The following AIDA variants were observed in gnomAD, a reference collection of about 807,000 sequenced individuals.
The protein encoded by AIDA is axin interactor, dorsalization associated.
Under a neutral mutation model 42.7 loss-of-function variants are expected in AIDA, and 18 were observed. The observed-to-expected ratio is 0.42, with a 90% CI of 0.29 to 0.63. The LOEUF is 0.63. AIDA is among the 20% of genes least tolerant of loss of function. The pLI, the probability that AIDA is intolerant of heterozygous loss-of-function variation, is 0.19. For synonymous variants in AIDA, 104 were observed against 122.9 expected (o/e 0.85, Z 1.02); for missense variants, 250 against 354.1 (o/e 0.71, Z 2.36).
rs954620020 is a variant in AIDA at position 222,712,331 on chromosome 1, C to T, written c.-14G>A. ...CACCTCCGACATGGCCGGTCCCCAC[C>T]CCGTCCCCTCCCGCCCCTACCCCAG... On this transcript the variant is annotated 5_prime_UTR_variant, in exon 1 of 10. Transcript: ENST00000340020. 6.5e-7 allele frequency: 1 copy of T among 1,534,180 alleles called. No homozygotes were observed.
At chr1:222,694,424 G>T (rs1655459685) in intron 2 of AIDA, among the ~76,000 whole-genome samples, 161 bp from the exon 3 acceptor site, 1 of 152,114 alleles carries the variant, frequency 6.6e-6, no homozygotes, top group African/African-American at 2.4e-5. Context: ...AGAAATAAGA[G>T]GCAAAGGGTT....
intron 4 of AIDA, among the ~76,000 whole-genome samples, chr1:222,692,731 T>C (rs1290530526): frequency 6.6e-6 from 1 of 152,054 alleles, no homozygotes; most frequent in East Asian, 1.9e-4. Context: ...TTAATATGGC[T>C]AGGGGAACAG....
At chr1:222,674,280 G>A (rs138877961) in intron 7 of AIDA, among the ~76,000 whole-genome samples, 39 of 152,192 alleles carry the variant, frequency 2.6e-4, no homozygotes, top group African/African-American at 8.4e-4. Flanking sequence ...GAGATTTCGC[G>A]GTGGGAAGGA....
intron 2 of AIDA, among the ~76,000 whole-genome samples, chr1:222,700,514 C>T (rs932066471): frequency 1.3e-5 from 2 of 152,008 alleles, no homozygotes; most frequent in Admixed American, 6.6e-5. Context: ...TCCCAGCACT[C>T]TGGGAGGCCC....
At chr1:222,670,706 G>A (rs943788770) in intron 8 of AIDA, among the ~76,000 whole-genome samples, 1 of 152,132 alleles carries the variant, frequency 6.6e-6, no homozygotes, top group African/African-American at 2.4e-5. Flanking sequence ...TTCAATCTTG[G>A]GGGTATTTTG....
At chr1:222,711,428 A>AGGAGGGCGT (rs1656031430) in intron 1 of AIDA, 1 of 152,310 alleles carries the variant, frequency 6.6e-6, no homozygotes, top group Non-Finnish European at 1.5e-5. Context: ...GAGGGATCCA[A>AGGAGGGCGT]GGAGGGCGTG....
At chr1:222,700,100 C>T (rs961681375) in intron 2 of AIDA, among the ~76,000 whole-genome samples, 5 of 152,180 alleles carry the variant, frequency 3.3e-5, no homozygotes, top group Non-Finnish European at 5.9e-5. Flanking sequence ...GCCTTATATT[C>T]ACAATGTAGT....
intron 2 of AIDA, among the ~76,000 whole-genome samples, chr1:222,699,463 A>T (rs913708935): frequency 2.0e-5 from 3 of 152,210 alleles, no homozygotes; most frequent in African/African-American, 7.2e-5. Flanking sequence ...CTTTGAAGGG[A>T]GACGGAGACT....
At chr1:222,678,233 G>A (rs1261451298) in intron 6 of AIDA, among the ~76,000 whole-genome samples, 1 of 145,422 alleles carries the variant, frequency 6.9e-6, no homozygotes, top group Non-Finnish European at 1.5e-5. Flanking sequence ...GTGTGTGTGT[G>A]TGTACTATCT....
At chr1:222,688,603 ATT>A (rs137904990) in intron 4 of AIDA, among the ~76,000 whole-genome samples, 5 of 145,172 alleles carry the variant, frequency 3.4e-5, no homozygotes, top group African/African-American at 5.0e-5. Context: ...AAAAAAGTTA[ATT>A]TTTTTTTTTT....
chr1:222,697,983 T>C (rs1369613554), intron 2 of AIDA, among the ~76,000 whole-genome samples: 1 of 151,890 alleles, frequency 6.6e-6, no homozygotes, highest in Non-Finnish European at 1.5e-5. Flanking sequence ...CTAAGCATCA[T>C]GAGACAGGAT....
chr1:222,677,833 C>T (rs139560438), intron 6 of AIDA, among the ~76,000 whole-genome samples: 3 of 151,884 alleles, frequency 2.0e-5, no homozygotes, highest in East Asian at 1.9e-4. Context: ...AGCCAATCTT[C>T]GTATGGCAGT....
chr1:222,703,051 G>T, intron 2 of AIDA, 97 bp downstream of exon 2: 3 of 923,720 alleles, frequency 3.2e-6, no homozygotes, highest in Non-Finnish European at 4.8e-6. Flanking sequence ...ACAGTTTTTT[G>T]TTTTTGTTTT....
intron 4 of AIDA, among the ~76,000 whole-genome samples, chr1:222,689,481 G>GTGTATATATATATA (rs1253190601): frequency 2.8e-5 from 1 of 35,328 alleles, no homozygotes; most frequent in Non-Finnish European, 5.9e-5. Context: ...GTGTGTGTGT[G>GTGTATATATATATA]TATATATATA....
At chr1:222,681,210 T>A (rs1386355388) in intron 6 of AIDA, among the ~76,000 whole-genome samples, 1 of 152,216 alleles carries the variant, frequency 6.6e-6, no homozygotes, top group African/African-American at 2.4e-5. Context: ...TGCCCTGGGC[T>A]GTACACTGTG....
chr1:222,683,965 A>C (rs1187390881), intron 6 of AIDA, among the ~76,000 whole-genome samples: 3 of 152,174 alleles, frequency 2.0e-5, no homozygotes, highest in Non-Finnish European at 4.4e-5. Context: ...TTTTAATTTT[A>C]AATTTTAAAT....
Position 222,687,677 on chromosome 1 carries a change from G to T in AIDA, c.290-19C>A. Reference sequence around the variant, plus strand: ...TTTAGGACTAGAATAAGAAGATAAAGAAACATGAATTCTTCCATGAAGCAA... The same window carrying T: ...TTTAGGACTAGAATAAGAAGATAAATAAACATGAATTCTTCCATGAAGCAA... On this transcript the variant is annotated intron_variant, in intron 4 of 9. Transcript: ENST00000340020. 4.2e-6 allele frequency: 6 copies of T among 1,442,468 alleles called. No homozygotes were observed. The highest frequency in any genetic ancestry group is 1.4e-5 in the African/African-American group (1 of 69,500). 89.4% of individuals were successfully genotyped at this position (1,442,468 alleles called of 1,614,324 possible).
At chr1:222,707,527 A>C (rs941960858) in intron 1 of AIDA, among the ~76,000 whole-genome samples, 1 of 152,230 alleles carries the variant, frequency 6.6e-6, no homozygotes, top group African/African-American at 2.4e-5. Flanking sequence ...ATACCATTTT[A>C]AGACAAAGTG....
chr1:222,684,279 T>C (rs1435599139), intron 6 of AIDA, among the ~76,000 whole-genome samples: 2 of 152,014 alleles, frequency 1.3e-5, no homozygotes, highest in African/African-American at 2.4e-5. Context: ...GCCTGGCTAA[T>C]TTTTGTATTT....
Sources: gnomAD v4.1 joint callset for allele counts (sites outside exome capture counted in the v4.1 genomes callset) on GRCh38, gnomAD v4.1.1 for gene constraint, MANE v1.5 for transcripts, NCBI Gene and HGNC (gene_info 2026-07-23, HGNC 2026-07-21) for gene names.